Variants in HCRTR2 observed in about 807,000 individuals in gnomAD.
HCRTR2 encodes the protein orexin receptor type 2.
HCRTR2 carries 22 observed loss-of-function variants against 49.0 expected under a neutral mutation model. That is an observed-to-expected ratio of 0.45 (90% confidence interval 0.32 to 0.64). HCRTR2 has a LOEUF of 0.64. Among genes scored for constraint, HCRTR2 ranks in the 30% least tolerant of loss-of-function variants. The probability of loss-of-function intolerance (pLI) is 0.04; values close to 1 mark genes in which losing one functional copy is unlikely to be tolerated. For synonymous variants in HCRTR2, 236 were observed against 205.3 expected, an observed-to-expected ratio of 1.15 and a Z score of -1.28; for missense variants, 491 against 559.4, an observed-to-expected ratio of 0.88 and a Z score of 1.23.
intron 1 of HCRTR2, among the ~76,000 whole-genome samples, chr6:55,191,755 A>C (rs908591171): frequency 4.0e-5 from 6 of 150,550 alleles, no homozygotes; most frequent in African/African-American, 1.2e-4. Flanking sequence ...ACTGGTCTAC[A>C]CTAAGAGTTT....
At chr6:55,188,328 AAG>A (rs1162729332) in intron 1 of HCRTR2, among the ~76,000 whole-genome samples, 1 of 152,178 alleles carries the variant, frequency 6.6e-6, no homozygotes, top group Non-Finnish European at 1.5e-5. Flanking sequence ...CGAGGAATAC[AAG>A]AGCAAAGTCA....
At chr6:55,277,295 T>C in intron 4 of HCRTR2, 85 bp from the exon 5 acceptor site, 2 of 1,161,930 alleles carry the variant, frequency 1.7e-6, no homozygotes, top group Non-Finnish European at 2.6e-6. Flanking sequence ...TGGAAGCCTT[T>C]CCTTACTGTG....
At chr6:55,240,843 C>A in intron 1 of HCRTR2, 1 of 344,536 alleles carries the variant, frequency 2.9e-6, no homozygotes, top group Non-Finnish European at 5.8e-6. Context: ...GCTTTCTTCC[C>A]TATGTATTCA....
chr6:55,279,001 T>C (rs528985007), intron 5 of HCRTR2, among the ~76,000 whole-genome samples: 2 of 152,070 alleles, frequency 1.3e-5, no homozygotes, highest in East Asian at 3.9e-4. Flanking sequence ...CCAACTACTT[T>C]TTTTGTCAAT....
rs1766453939 is a variant in HCRTR2, at chr6:55,246,821, T to C, written c.224-1818T>C. On this transcript the variant is annotated intron_variant, in intron 1 of 6. Coordinates refer to ENST00000370862, the MANE Select transcript of HCRTR2 (RefSeq NM_001384272.1). ...TGAAACTAGTTAATAATTTAAAAAATGCTTAGAACAAGGCACAGCACATAG... is the reference window on the plus strand; with the variant it reads ...TGAAACTAGTTAATAATTTAAAAAACGCTTAGAACAAGGCACAGCACATAG... Among the ~76,000 whole-genome samples, 7 of 152,052 alleles carry C rather than the reference T, an allele frequency of 4.6e-5. No individual in the cohort carries two copies. The South Asian group carries it at 1.4e-3, about 31-fold the overall frequency.
chr6:55,168,223 T>A (rs1418661954), intron 1 of HCRTR2, among the ~76,000 whole-genome samples: 2 of 152,188 alleles, frequency 1.3e-5, no homozygotes, highest in Non-Finnish European at 2.9e-5. Flanking sequence ...TTGATTCTCT[T>A]TGGGGGAGAT....
At chr6:55,247,740 A>C (rs985454578) in intron 1 of HCRTR2, among the ~76,000 whole-genome samples, 28 of 152,238 alleles carry the variant, frequency 1.8e-4, no homozygotes, top group African/African-American at 6.5e-4. Context: ...GAGACAGTAC[A>C]TCTTTTGAAC....
chr6:55,263,916 T>A (rs760645992), intron 4 of HCRTR2, 94 bp downstream of exon 4: 6 of 786,308 alleles, frequency 7.6e-6, no homozygotes, highest in Non-Finnish European at 1.1e-5. Flanking sequence ...GCTTTTTTTT[T>A]AGGATGCACT....
At chr6:55,267,946 G>C (rs1562027901) in intron 4 of HCRTR2, among the ~76,000 whole-genome samples, 1 of 152,064 alleles carries the variant, frequency 6.6e-6, no homozygotes, top group African/African-American at 2.4e-5. Context: ...ACTGTAGACA[G>C]AATAAACATA....
At chr6:55,170,179 T>C (rs1156867410), upstream of HCRTR2, among the ~76,000 whole-genome samples, 1 of 151,296 alleles carries the variant, frequency 6.6e-6, no homozygotes, top group Admixed American at 6.6e-5. Flanking sequence ...TTCTGAATGT[T>C]GTGAGCTACA....
Position 55,175,291 on chromosome 6 carries a change from T to A in HCRTR2, c.223+481T>A, listed in dbSNP as rs566887767. Among the ~76,000 whole-genome samples, 442 of 152,204 alleles carry A rather than the reference T, an allele frequency of 2.9e-3. 4 individuals carry two copies. The highest frequency in any genetic ancestry group is 0.01 in the African/African-American group (420 of 41,542). On this transcript the variant is annotated intron_variant, in intron 1 of 6. Transcript: ENST00000370862. ...AGTCACAAAGCATTTGTGAGCTAGG[T>A]GGCATTGCCCTTTGGCGAGGAGGTT...
At chr6:55,111,588 G>A (rs968529003) in intron 1 of HCRTR2, among the ~76,000 whole-genome samples, 2 of 151,932 alleles carry the variant, frequency 1.3e-5, no homozygotes, top group African/African-American at 4.8e-5. Context: ...CAAGCTCCTA[G>A]ATTAAACCAG....
chr6:55,154,739 A>G (rs1317286735), intron 1 of HCRTR2, among the ~76,000 whole-genome samples: 1 of 151,208 alleles, frequency 6.6e-6, no homozygotes. Context: ...AATAAAATCC[A>G]CCAAATTGGA....
chr6:55,138,666 A>T (rs1764463926), intron 1 of HCRTR2, among the ~76,000 whole-genome samples: 1 of 152,158 alleles, frequency 6.6e-6, no homozygotes, highest in African/African-American at 2.4e-5. Flanking sequence ...TTACTGTGTC[A>T]TTTTAAACTG....
At chr6:55,243,841 T>C (rs1766380891) in intron 1 of HCRTR2, among the ~76,000 whole-genome samples, 1 of 152,136 alleles carries the variant, frequency 6.6e-6, no homozygotes, top group African/African-American at 2.4e-5. Flanking sequence ...TTTATGGCCA[T>C]GAAGGGTACA....
chr6:55,109,168 G>A (rs1764015045), intron 1 of HCRTR2, among the ~76,000 whole-genome samples: 1 of 152,152 alleles, frequency 6.6e-6, no homozygotes, highest in South Asian at 2.1e-4. Context: ...CAGCTCTCAG[G>A]AAGCCCCATT....
intron 1 of HCRTR2, among the ~76,000 whole-genome samples, chr6:55,232,590 A>G (rs1306361692): frequency 6.6e-6 from 1 of 152,222 alleles, no homozygotes; most frequent in Non-Finnish European, 1.5e-5. Context: ...TTTTCAGCAA[A>G]AATTTGTTAA....
chr6:55,152,417 T>G (rs955246239), intron 1 of HCRTR2, among the ~76,000 whole-genome samples: 1 of 152,038 alleles, frequency 6.6e-6, no homozygotes, highest in Non-Finnish European at 1.5e-5. Flanking sequence ...ATTTTTTAAT[T>G]GGTATTTTTT....
intron 1 of HCRTR2, among the ~76,000 whole-genome samples, chr6:55,179,806 T>C (rs1006529226): frequency 5.9e-5 from 9 of 152,196 alleles, no homozygotes; most frequent in Non-Finnish European, 1.0e-4. Flanking sequence ...ATTTTGTATT[T>C]TAGATTATAT....
Sources: allele counts gnomAD v4.1 joint callset (sites outside exome capture counted in the v4.1 genomes callset), GRCh38; gene constraint gnomAD v4.1.1; transcripts MANE v1.5; gene names NCBI Gene and HGNC (gene_info 2026-07-23, HGNC 2026-07-21).